STOX2: variants seen among roughly 807,000 people sequenced by gnomAD.
STOX2 encodes the protein storkhead-box protein 2.
Under a neutral mutation model 60.9 loss-of-function variants are expected in STOX2, and 28 were observed. That is an observed-to-expected ratio of 0.46 (90% CI 0.34 to 0.63). The LOEUF (loss-of-function observed/expected upper bound fraction) is 0.63. Ranked by LOEUF, STOX2 falls within the 30% of genes least tolerant of loss-of-function variation. STOX2 has a pLI of 0.01. For synonymous variants in STOX2, 472 were observed against 463.9 expected (o/e 1.02, Z -0.22); for missense variants, 1,024 against 1,187.7 (o/e 0.86, Z 2.03).
rs60300009 is a variant in STOX2 at position 183,891,358 on chromosome 4, TTA to T, written c.364+93351_364+93352del. On this transcript the variant is annotated intron_variant, in intron 1 of 2. Coordinates refer to the STOX2 transcript ENST00000513034. ...TGATGGAATATATATATGATGGAAT[TTA>T]TATATATATATATATATATATATAT... Among the ~76,000 whole-genome samples, 751 of 84,486 alleles carry T rather than the reference TTA, an allele frequency of 8.9e-3. 4 individuals carry two copies. Among genetic ancestry groups the T allele is most frequent in the Non-Finnish European group, 0.011 (450 of 42,682 alleles). The allele number at this position is 84,486 out of a possible 152,430, so 55.4% of individuals were successfully genotyped here.
intron 1 of STOX2, among the ~76,000 whole-genome samples, chr4:183,813,072 C>T (rs1044745139): frequency 1.3e-5 from 2 of 152,050 alleles, no homozygotes; most frequent in Non-Finnish European, 2.9e-5. Flanking sequence ...GGAAAATATT[C>T]AGAAAAAATA....
At chr4:183,918,151 G>A (rs1446909794) in intron 1 of STOX2, among the ~76,000 whole-genome samples, 8 of 152,144 alleles carry the variant, frequency 5.3e-5, no homozygotes, top group East Asian at 1.9e-4. Flanking sequence ...AGTTAAAAGC[G>A]GCTTTAAATG....
At chr4:183,886,640 C>T (rs114996780) in intron 1 of STOX2, among the ~76,000 whole-genome samples, 395 of 152,272 alleles carry the variant, frequency 2.6e-3, no homozygotes, top group African/African-American at 8.9e-3. Flanking sequence ...GCAAGTAGTC[C>T]TGGAGTAAGA....
At chr4:183,908,592 GTTTTT>G (rs10671305) in intron 1 of STOX2, among the ~76,000 whole-genome samples, 28 of 126,678 alleles carry the variant, frequency 2.2e-4, no homozygotes, top group African/African-American at 8.6e-4. Context: ...CAGGCAGCCA[GTTTTT>G]TTTTTTTTTT....
chr4:183,804,103 A>G (rs1160419415), intron 1 of STOX2, among the ~76,000 whole-genome samples: 1 of 152,220 alleles, frequency 6.6e-6, no homozygotes, highest in African/African-American at 2.4e-5. Flanking sequence ...TTGATCACCG[A>G]CTATTTTCTA....
chr4:184,001,232 C>A lies in STOX2; in HGVS notation c.167-93C>A. On this transcript the variant is annotated intron_variant, in intron 1 of 3. Coordinates refer to ENST00000308497, the MANE Select transcript of STOX2 (RefSeq NM_020225.3). The surrounding 1 kb of genome is among the most constrained non-coding windows in gnomAD (Gnocchi z 4.2). ...TATGTTCGGAGCTGACTGTGTTCGTCAGACCAGGGCCAGATGGACGCGTGA... is the reference window on the plus strand; with the variant it reads ...TATGTTCGGAGCTGACTGTGTTCGTAAGACCAGGGCCAGATGGACGCGTGA... 1 of 1,293,504 alleles carries A rather than the reference C, an allele frequency of 7.7e-7. No individual in the cohort carries two copies. The highest frequency in any genetic ancestry group is 1.1e-6 in the Non-Finnish European group (1 of 918,426). The allele number at this position is 1,293,504 out of a possible 1,614,324, so 80.1% of individuals were successfully genotyped here.
At chr4:183,833,589 A>T (rs945201812) in intron 1 of STOX2, among the ~76,000 whole-genome samples, 21 of 151,928 alleles carry the variant, frequency 1.4e-4, no homozygotes, top group Non-Finnish European at 1.9e-4. Flanking sequence ...GCAAGGCGGG[A>T]TCGGGGCTGA....
At chr4:183,863,610 G>A (rs537778712) in intron 1 of STOX2, among the ~76,000 whole-genome samples, 2 of 152,276 alleles carry the variant, frequency 1.3e-5, no homozygotes, top group East Asian at 1.9e-4. Flanking sequence ...ATTGCGTGAC[G>A]ATTGGCTTGT....
At chr4:183,956,933 A>AT (rs927534842) in intron 1 of STOX2, among the ~76,000 whole-genome samples, 5 of 136,162 alleles carry the variant, frequency 3.7e-5, no homozygotes, top group East Asian at 4.5e-4. Context: ...TAGATTAAGC[A>AT]TTTTTTTGCA....
intron 1 of STOX2, among the ~76,000 whole-genome samples, chr4:183,962,708 T>C (rs1743448577): frequency 6.6e-6 from 1 of 152,198 alleles, no homozygotes. Flanking sequence ...CCAGTGAAGC[T>C]AGTAGCTTAG....
At chr4:183,977,723 A>T (rs1732497957) in intron 1 of STOX2, among the ~76,000 whole-genome samples, 1 of 152,150 alleles carries the variant, frequency 6.6e-6, no homozygotes, top group African/African-American at 2.4e-5. Context: ...GGATTGCTGG[A>T]TCAAAGGTAG....
intron 1 of STOX2, among the ~76,000 whole-genome samples, chr4:183,891,791 A>G (rs2111183447): frequency 6.6e-6 from 1 of 152,214 alleles, no homozygotes; most frequent in South Asian, 2.1e-4. Context: ...AAAAAAATCA[A>G]TAAATAAAAT....
chr4:183,957,377 T>C (rs1743281664), intron 1 of STOX2, among the ~76,000 whole-genome samples: 1 of 152,206 alleles, frequency 6.6e-6, no homozygotes, highest in African/African-American at 2.4e-5. Context: ...TGTGGTTTTA[T>C]CATGCATCAG....
chr4:183,983,879 C>T (rs565364702), intron 1 of STOX2, among the ~76,000 whole-genome samples: 4 of 152,148 alleles, frequency 2.6e-5, no homozygotes, highest in Non-Finnish European at 5.9e-5. Flanking sequence ...TGAACTCCTG[C>T]CCTCAAGTGA....
chr4:183,966,942 G>C (rs557700396), intron 1 of STOX2, among the ~76,000 whole-genome samples: 4 of 152,290 alleles, frequency 2.6e-5, no homozygotes, highest in Admixed American at 2.6e-4. Flanking sequence ...TCATGAAATG[G>C]AGATAATAGT....
chr4:183,908,428 G>T (rs1401259456), intron 1 of STOX2, among the ~76,000 whole-genome samples: 1 of 152,062 alleles, frequency 6.6e-6, no homozygotes, highest in Admixed American at 6.6e-5. Flanking sequence ...TGTACTTAGG[G>T]TTTGAATGTC....
At chr4:183,819,318 A>G (rs551821307) in intron 1 of STOX2, among the ~76,000 whole-genome samples, 2,597 of 151,968 alleles carry the variant, frequency 0.017, 80 homozygotes, top group African/African-American at 0.059. Flanking sequence ...CGAGGCTAGC[A>G]GATCACTCCC....
intron 1 of STOX2, among the ~76,000 whole-genome samples, chr4:183,877,591 A>C (rs1686600623): frequency 6.6e-6 from 1 of 152,182 alleles, no homozygotes; most frequent in South Asian, 2.1e-4. Flanking sequence ...GACGCATGGA[A>C]GCTTTGAGTT....
At chr4:183,898,641 C>G (rs908893388) in intron 1 of STOX2, among the ~76,000 whole-genome samples, 3 of 152,062 alleles carry the variant, frequency 2.0e-5, no homozygotes, top group African/African-American at 7.2e-5. Context: ...TGGGTGGAAT[C>G]CAGAGAACAC....
Sources: allele counts gnomAD v4.1 joint callset (sites outside exome capture counted in the v4.1 genomes callset), GRCh38; gene constraint gnomAD v4.1.1; non-coding constraint Gnocchi (gnomAD v3.1); transcripts MANE v1.5; gene names NCBI Gene and HGNC (gene_info 2026-07-23, HGNC 2026-07-21).